RAB8B: variants seen among roughly 807,000 people sequenced by gnomAD.
RAB8B encodes ras-related protein Rab-8B.
Under a neutral mutation model 32.0 loss-of-function variants are expected in RAB8B, and 11 were observed. The observed-to-expected ratio is 0.34, with a 90% CI of 0.22 to 0.57. The LOEUF (loss-of-function observed/expected upper bound fraction) is 0.57. Among genes scored for constraint, RAB8B ranks in the 20% least tolerant of loss-of-function variants. The probability of loss-of-function intolerance (pLI) is 0.86; values close to 1 mark genes in which losing one functional copy is unlikely to be tolerated. For synonymous variants in RAB8B, 103 were observed against 89.6 expected, an observed-to-expected ratio of 1.15 and a Z score of -0.85; for missense variants, 190 against 258.5, an observed-to-expected ratio of 0.73 and a Z score of 1.82.
intron 1 of RAB8B, among the ~76,000 whole-genome samples, chr15:63,202,237 C>T (rs1019108385): frequency 6.6e-6 from 1 of 150,962 alleles, no homozygotes; most frequent in African/African-American, 2.4e-5. Flanking sequence ...GAGATCGCGC[C>T]ACTGCACTCC....
At chr15:63,221,513 C>T (rs1185056564) in intron 1 of RAB8B, among the ~76,000 whole-genome samples, 1 of 152,206 alleles carries the variant, frequency 6.6e-6, no homozygotes, top group Non-Finnish European at 1.5e-5. Context: ...CAGTGACAAA[C>T]TTCCTTTTTG....
intron 1 of RAB8B, among the ~76,000 whole-genome samples, chr15:63,206,349 G>A (rs1351264619): frequency 6.6e-6 from 1 of 151,890 alleles, no homozygotes; most frequent in Non-Finnish European, 1.5e-5. Context: ...GCAGTTGATA[G>A]CCCATAGCAA....
chr15:63,229,934 TAG>T (rs1221669716), intron 1 of RAB8B, among the ~76,000 whole-genome samples: 1 of 152,156 alleles, frequency 6.6e-6, no homozygotes, highest in Non-Finnish European at 1.5e-5. Flanking sequence ...ATGAAGGTTA[TAG>T]AGTGTTGTCA....
Position 63,215,008 on chromosome 15 carries a change from T to G in RAB8B, c.124+25260T>G, listed in dbSNP as rs142640421. Among the ~76,000 whole-genome samples the G allele has an allele frequency of 5.6e-3, 854 of 152,314 alleles. 7 individuals are homozygous for G. The highest frequency in any genetic ancestry group is 0.018 in the African/African-American group (760 of 41,568). ...GTTTGCAATCTTCACAGGTTTCTGA[T>G]CTCCTTTCCTATCCCAGACACAAGA... On this transcript the variant is annotated intron_variant, in intron 1 of 7. Transcript: ENST00000321437.
chr15:63,230,950 CT>C (rs2037931762), intron 1 of RAB8B, among the ~76,000 whole-genome samples: 1 of 152,272 alleles, frequency 6.6e-6, no homozygotes, highest in Admixed American at 6.5e-5. Context: ...TTTTTCTCTA[CT>C]GCCTCTAGTA....
chr15:63,204,086 T>G (rs1402641280), intron 1 of RAB8B, among the ~76,000 whole-genome samples: 1 of 149,070 alleles, frequency 6.7e-6, no homozygotes, highest in East Asian at 2.0e-4. Context: ...AGGTGAGGTG[T>G]TTTTTTTTTA....
chr15:63,197,796 T>G (rs1348409327), intron 1 of RAB8B, among the ~76,000 whole-genome samples: 2 of 152,086 alleles, frequency 1.3e-5, no homozygotes, highest in Non-Finnish European at 2.9e-5. Flanking sequence ...CTGTGTTCTG[T>G]TGAGTTCTGA....
At chr15:63,225,565 G>A (rs1347093018) in intron 1 of RAB8B, among the ~76,000 whole-genome samples, 1 of 152,154 alleles carries the variant, frequency 6.6e-6, no homozygotes, top group Non-Finnish European at 1.5e-5. Context: ...GGAAATCATG[G>A]TTTTGTTAGT....
At chr15:63,234,327 C>G (rs2037960210) in intron 1 of RAB8B, among the ~76,000 whole-genome samples, 1 of 152,160 alleles carries the variant, frequency 6.6e-6, no homozygotes, top group Non-Finnish European at 1.5e-5. Flanking sequence ...GCAGGGGCAA[C>G]CTCCCTATTC....
At chr15:63,210,989 C>G (rs2037742444) in intron 1 of RAB8B, among the ~76,000 whole-genome samples, 1 of 152,198 alleles carries the variant, frequency 6.6e-6, no homozygotes, top group African/African-American at 2.4e-5. Context: ...TCAACTCAAC[C>G]TGAGGAAACC....
chr15:63,224,741 A>G (rs773490367), intron 1 of RAB8B, among the ~76,000 whole-genome samples: 17 of 152,188 alleles, frequency 1.1e-4, no homozygotes, highest in Admixed American at 3.9e-4. Context: ...TGTGATCGCG[A>G]CATAATCTGG....
At chr15:63,223,187 C>T in intron 1 of RAB8B, 2 of 393,480 alleles carry the variant, frequency 5.1e-6, no homozygotes, top group Non-Finnish European at 1.0e-5. Flanking sequence ...TTTTGGCTCA[C>T]TGCAACCTCC....
chr15:63,227,667 C>T (rs887581450), intron 1 of RAB8B, among the ~76,000 whole-genome samples: 1 of 152,184 alleles, frequency 6.6e-6, no homozygotes, highest in African/African-American at 2.4e-5. Context: ...CTCTGAACCC[C>T]TGGATTTGTT....
intron 1 of RAB8B, among the ~76,000 whole-genome samples, chr15:63,218,518 T>G (rs1373821508): frequency 1.3e-5 from 2 of 152,242 alleles, no homozygotes; most frequent in Admixed American, 6.5e-5. Context: ...CATTTTGTTC[T>G]AAGAGTTTGT....
intron 1 of RAB8B, among the ~76,000 whole-genome samples, chr15:63,214,963 T>G (rs891684515): frequency 5.3e-5 from 8 of 152,216 alleles, no homozygotes; most frequent in African/African-American, 1.9e-4. Flanking sequence ...ACCTTCCACC[T>G]CATTCTTATG....
At chr15:63,206,587 T>G (rs1355103841) in intron 1 of RAB8B, among the ~76,000 whole-genome samples, 1 of 152,158 alleles carries the variant, frequency 6.6e-6, no homozygotes, top group Non-Finnish European at 1.5e-5. Flanking sequence ...TAATAATACC[T>G]TCCCACTCTC....
At chr15:63,199,468 G>T (rs2037629967) in intron 1 of RAB8B, among the ~76,000 whole-genome samples, 1 of 152,068 alleles carries the variant, frequency 6.6e-6, no homozygotes. Flanking sequence ...TCCCTATTTT[G>T]TCTACATCAT....
Position 63,249,654 on chromosome 15 carries a change from G to T in RAB8B, c.195G>T (p.Ala65=). The change falls in exon 3 of 8, where the codon GCG becomes GCT. Residue 65 remains alanine (A), a synonymous_variant. Coordinates refer to ENST00000321437, the MANE Select transcript of RAB8B (RefSeq NM_016530.3). ...TTGTTTCATATTTTAGGGACACAGC[G>T]GGTCAGGAAAGATTCCGAACAATCA... ...KKIKLQIWDT[A]GQERFRTITT... The T allele has an allele frequency of 5.6e-6, 9 of 1,613,772 alleles. No individual in the cohort carries two copies. Among genetic ancestry groups the T allele is most frequent in the Non-Finnish European group, 7.6e-6 (9 of 1,179,808 alleles).
chr15:63,235,797 A>G (rs1468244676), intron 1 of RAB8B, among the ~76,000 whole-genome samples: 2 of 151,972 alleles, frequency 1.3e-5, no homozygotes, highest in Non-Finnish European at 2.9e-5. Context: ...ACTTACCATC[A>G]TCTTTTTTAG....
Sources: gnomAD v4.1 joint callset for allele counts (sites outside exome capture counted in the v4.1 genomes callset) on GRCh38, gnomAD v4.1.1 for gene constraint, MANE v1.5 for transcripts, NCBI Gene and HGNC (gene_info 2026-07-23, HGNC 2026-07-21) for gene names.